Variants in SLC13A3 observed in about 807,000 individuals in gnomAD.
SLC13A3 encodes the protein solute carrier family 13 member 3.
SLC13A3 carries 40 observed loss-of-function variants against 59.0 expected under a neutral mutation model. The observed-to-expected ratio is 0.68, with a 90% CI of 0.53 to 0.88. The LOEUF is 0.88. SLC13A3 is among the 40% of genes least tolerant of loss of function. The pLI, the probability that SLC13A3 is intolerant of heterozygous loss-of-function variation, is 0.00. For missense variants in SLC13A3, 699 were observed against 783.2 expected (o/e 0.89, Z 1.28); for synonymous variants, 317 against 330.3 (o/e 0.96, Z 0.44).
At chr20:46,631,984 T>A (rs3092185) in intron 1 of SLC13A3, among the ~76,000 whole-genome samples, 27 of 151,788 alleles carry the variant, frequency 1.8e-4, no homozygotes, top group Non-Finnish European at 2.9e-4. Flanking sequence ...CCACCACCAC[T>A]GTCCCCTTCC....
chr20:46,623,930 A>G (rs1466305745), intron 1 of SLC13A3, among the ~76,000 whole-genome samples: 1 of 152,140 alleles, frequency 6.6e-6, no homozygotes, highest in Non-Finnish European at 1.5e-5. Context: ...GTCTGACCAG[A>G]GTTTTCTCTT....
At chr20:46,563,614 G>GAAA (rs59207395) in intron 11 of SLC13A3, 63 bp from the exon 12 acceptor site, 11 of 1,512,592 alleles carry the variant, frequency 7.3e-6, no homozygotes, top group Middle Eastern at 1.8e-4. Context: ...CACAGCAAGA[G>GAAA]GGAGAGAGAG....
upstream of SLC13A3, among the ~76,000 whole-genome samples, chr20:46,655,494 T>G (rs1283414683): frequency 3.4e-5 from 5 of 148,082 alleles, no homozygotes; most frequent in East Asian, 1.9e-4. Context: ...TGTGTGTGTG[T>G]GTGGTATATA....
intron 3 of SLC13A3, chr20:46,608,945 A>G: frequency 6.4e-7 from 1 of 1,550,998 alleles, no homozygotes; most frequent in Non-Finnish European, 8.7e-7. Context: ...AGTTGCACAC[A>G]TCATTTCCAC....
At chr20:46,632,920 T>C (rs376498529) in intron 1 of SLC13A3, among the ~76,000 whole-genome samples, 1 of 43,082 alleles carries the variant, frequency 2.3e-5, no homozygotes, top group Non-Finnish European at 5.5e-5. Context: ...TATATCTATC[T>C]ATCTATCTAT....
intron 1 of SLC13A3, among the ~76,000 whole-genome samples, chr20:46,632,960 T>C (rs2083164777): frequency 6.6e-6 from 1 of 152,070 alleles, no homozygotes; most frequent in East Asian, 1.9e-4. Context: ...TCTATCTATC[T>C]ATCTATCTGT....
At chr20:46,591,924 T>C (rs184327172) in intron 6 of SLC13A3, among the ~76,000 whole-genome samples, 234 of 152,176 alleles carry the variant, frequency 1.5e-3, no homozygotes, top group African/African-American at 5.3e-3. Context: ...AATGAGGATA[T>C]GGCTAGCACG....
chr20:46,671,855 G>A (rs2063094332), upstream of SLC13A3, among the ~76,000 whole-genome samples: 1 of 152,196 alleles, frequency 6.6e-6, no homozygotes, highest in Non-Finnish European at 1.5e-5. Flanking sequence ...TGAAAACTGA[G>A]GCAGTCCCCA....
chr20:46,583,137 C>T, intron 9 of SLC13A3: 1 of 896,592 alleles, frequency 1.1e-6, no homozygotes, highest in Non-Finnish European at 1.3e-6. Context: ...GGCCAAGAGG[C>T]AAAATTGAGG....
intron 4 of SLC13A3, among the ~76,000 whole-genome samples, chr20:46,599,677 A>G (rs567339694): frequency 6.6e-6 from 1 of 152,236 alleles, no homozygotes; most frequent in East Asian, 1.9e-4. Flanking sequence ...AGTTTGTGCT[A>G]TCTTGCTTTT....
chr20:46,621,166 G>A (rs2062610235), intron 1 of SLC13A3, among the ~76,000 whole-genome samples: 1 of 152,210 alleles, frequency 6.6e-6, no homozygotes. Flanking sequence ...GTTAGCCAAA[G>A]CTTTAGCAGA....
chr20:46,643,488 G>A (rs2062865119), intron 1 of SLC13A3, among the ~76,000 whole-genome samples: 1 of 152,174 alleles, frequency 6.6e-6, no homozygotes, highest in Non-Finnish European at 1.5e-5. Flanking sequence ...ATGAGAGCAA[G>A]CTTGGGATAT....
upstream of SLC13A3, chr20:46,673,687 T>C (rs536742383): frequency 1.3e-5 from 2 of 152,124 alleles, no homozygotes; most frequent in South Asian, 2.1e-4. Context: ...AATCCCCAAA[T>C]AGCATGATTC....
chr20:46,594,544 C>T (rs1218501585), intron 5 of SLC13A3, among the ~76,000 whole-genome samples: 2 of 152,074 alleles, frequency 1.3e-5, no homozygotes, highest in South Asian at 2.1e-4. Flanking sequence ...CTTGGCAGAA[C>T]GCTAAAGGGC....
chr20:46,612,322 A>G (rs2062507638), intron 2 of SLC13A3, among the ~76,000 whole-genome samples: 1 of 151,760 alleles, frequency 6.6e-6, no homozygotes, highest in South Asian at 2.1e-4. Context: ...TGGTAGAGAC[A>G]GGGGTTTTAC....
chr20:46,651,351 G>A lies in SLC13A3; in HGVS notation c.71C>T (p.Pro24Leu), dbSNP rs1345569518. ...ARRLLVLLFT[P>L]LALLPVVFAL... ...GAAGACCACCGGCAGCAGCGCGAGC[G>A]GCGTGAACAGCAGCACCAGCAGCCG... Residue 24 changes from proline to leucine, a missense_variant, in exon 1 of 13, where the codon CCG (proline) becomes CTG (leucine). Pro to Leu is a moderately conservative substitution (Grantham distance 98). Coordinates refer to ENST00000279027, the MANE Select transcript of SLC13A3 (RefSeq NM_022829.6). 6 of 1,514,842 alleles carry A rather than the reference G, an allele frequency of 4.0e-6. No homozygotes were observed. The allele number at this position is 1,514,842 out of a possible 1,614,324, so 93.8% of individuals were successfully genotyped here.
At position 46,583,601 on chromosome 20, in the gene SLC13A3, G is replaced by A; in HGVS notation, c.1190C>T (p.Pro397Leu). 1.2e-6 allele frequency: 2 copies of A among 1,613,520 alleles called. No individual in the cohort carries two copies. The highest frequency in any genetic ancestry group is 1.1e-5 in the South Asian group (1 of 91,040). Residue 397 changes from proline to leucine, a missense_variant, in exon 9 of 13, where the codon CCC becomes CTC. Coordinates refer to ENST00000279027, the MANE Select transcript of SLC13A3 (RefSeq NM_022829.6). ...GAAGTCAAACCACCACTTGAGAGAGGGCCTTTGGGACGGGAAGAAGAACAA... is the reference window on the plus strand; with the variant it reads ...GAAGTCAAACCACCACTTGAGAGAGAGCCTTTGGGACGGGAAGAAGAACAA... The part of the protein sequence containing the change: ...TILFFFPSQR[P>L]SLKWWFDFKA...
intron 8 of SLC13A3, 55 bp downstream of exon 8, chr20:46,588,004 C>T: frequency 3.9e-6 from 4 of 1,027,556 alleles, no homozygotes; most frequent in Non-Finnish European, 4.3e-6. Flanking sequence ...CTCCAGGTGG[C>T]CCAGCCCAGA....
chr20:46,610,633 G>A (rs1296748959), intron 2 of SLC13A3, 24 bp from the exon 3 acceptor site: 1 of 1,595,790 alleles, frequency 6.3e-7, no homozygotes, highest in Non-Finnish European at 8.5e-7. Context: ...GGCATTAGAG[G>A]CAAATCCAGA....
Sources: allele counts gnomAD v4.1 joint callset (sites outside exome capture counted in the v4.1 genomes callset), GRCh38; gene constraint gnomAD v4.1.1; transcripts MANE v1.5; gene names NCBI Gene and HGNC (gene_info 2026-07-23, HGNC 2026-07-21).